The following PDE1A variants were observed in gnomAD, a reference collection of about 807,000 sequenced individuals.
PDE1A encodes the protein phosphodiesterase 1A.
PDE1A carries 35 observed loss-of-function variants against 61.7 expected under a neutral mutation model. The observed-to-expected ratio is 0.57, with a 90% CI of 0.43 to 0.75. PDE1A has a LOEUF of 0.75. PDE1A is among the 30% of genes least tolerant of loss of function. PDE1A has a pLI of 0.00. For missense variants in PDE1A, 597 were observed against 630.6 expected (o/e 0.95, Z 0.57); for synonymous variants, 232 against 213.2 (o/e 1.09, Z -0.77).
At chr2:182,653,834 G>A in the PDE1A span, among the ~76,000 whole-genome samples, 2 of 152,108 alleles carry the variant, frequency 1.3e-5, no homozygotes, top group South Asian at 2.1e-4. Flanking sequence ...CTGAAACTCT[G>A]AAACTTTATA....
chr2:182,254,023 A>G (rs1024622930), intron 2 of PDE1A, among the ~76,000 whole-genome samples: 3 of 152,182 alleles, frequency 2.0e-5, no homozygotes, highest in Admixed American at 2.0e-4. Flanking sequence ...AATAATATTT[A>G]AAACATCTTT....
At chr2:182,667,581 T>C in the PDE1A span, among the ~76,000 whole-genome samples, 2 of 152,208 alleles carry the variant, frequency 1.3e-5, no homozygotes, top group Non-Finnish European at 2.9e-5. Context: ...AGCACCCATA[T>C]AACAAATCAT....
chr2:182,270,063 T>A (rs755428315), intron 1 of PDE1A, among the ~76,000 whole-genome samples: 1 of 152,158 alleles, frequency 6.6e-6, no homozygotes, highest in Non-Finnish European at 1.5e-5. Context: ...TCTTTGATAA[T>A]TCCTAAGACT....
intron 13 of PDE1A, among the ~76,000 whole-genome samples, chr2:182,159,530 T>G (rs186354028): frequency 2.7e-3 from 408 of 152,368 alleles, no homozygotes; most frequent in African/African-American, 9.4e-3. Flanking sequence ...CGCCATTGCA[T>G]GTTTTGTCAT....
chr2:182,472,552 G>T (rs1177774542), intron 2 of PDE1A, among the ~76,000 whole-genome samples: 1 of 151,812 alleles, frequency 6.6e-6, no homozygotes, highest in Non-Finnish European at 1.5e-5. Flanking sequence ...ATGAAGACTT[G>T]AAAGGGTATG....
chr2:182,427,548 G>T (rs1482501236), upstream of PDE1A, among the ~76,000 whole-genome samples: 1 of 151,890 alleles, frequency 6.6e-6, no homozygotes, highest in Non-Finnish European at 1.5e-5. Context: ...CCCCTCCAAA[G>T]TGCCTGGGAG....
At chr2:182,564,040 T>A in the PDE1A span, among the ~76,000 whole-genome samples, 1 of 152,222 alleles carries the variant, frequency 6.6e-6, no homozygotes, top group African/African-American at 2.4e-5. Context: ...CATTGGAGCA[T>A]TTAGTCCATT....
chr2:182,405,563 C>A (rs1702252113), intron 1 of PDE1A, among the ~76,000 whole-genome samples: 1 of 152,110 alleles, frequency 6.6e-6, no homozygotes, highest in African/African-American at 2.4e-5. Context: ...TCACTTAATT[C>A]TGTCAAAAAC....
chr2:182,188,769 C>T (rs543427904), intron 11 of PDE1A, among the ~76,000 whole-genome samples: 8 of 152,294 alleles, frequency 5.3e-5, no homozygotes, highest in African/African-American at 1.9e-4. Flanking sequence ...ATAACAATTA[C>T]ATTTACTAAT....
At chr2:182,370,855 T>A (rs180987719) in intron 1 of PDE1A, among the ~76,000 whole-genome samples, 27 of 152,252 alleles carry the variant, frequency 1.8e-4, no homozygotes, top group South Asian at 8.3e-4. Context: ...TGCATTATCA[T>A]TGAACATGCT....
chr2:182,671,231 G>A, the PDE1A span, among the ~76,000 whole-genome samples: 4 of 151,886 alleles, frequency 2.6e-5, no homozygotes, highest in African/African-American at 7.2e-5. Context: ...GAGTGCAGTG[G>A]CGCGATCTCA....
chr2:182,691,405 AC>A, the PDE1A span, among the ~76,000 whole-genome samples: 1 of 152,208 alleles, frequency 6.6e-6, no homozygotes, highest in Non-Finnish European at 1.5e-5. Flanking sequence ...TCTTTGACAA[AC>A]CTGACAAAAA....
chr2:182,714,602 G>T, the PDE1A span, among the ~76,000 whole-genome samples: 2 of 151,130 alleles, frequency 1.3e-5, no homozygotes, highest in African/African-American at 2.4e-5. Flanking sequence ...GTCTTGCTCT[G>T]TACCCAGGCT....
chr2:182,657,982 T>G, the PDE1A span, among the ~76,000 whole-genome samples: 2 of 138,738 alleles, frequency 1.4e-5, no homozygotes, highest in Non-Finnish European at 3.0e-5. Flanking sequence ...AAGGCAGTTG[T>G]GAGAAGAACA....
At chr2:182,418,478 A>T (rs1703059877) in intron 1 of PDE1A, among the ~76,000 whole-genome samples, 1 of 152,160 alleles carries the variant, frequency 6.6e-6, no homozygotes, top group Admixed American at 6.5e-5. Context: ...ACACTGCTTC[A>T]TTCATATATA....
intron 10 of PDE1A, among the ~76,000 whole-genome samples, chr2:182,196,506 A>AT (rs1411389524): frequency 6.6e-6 from 1 of 151,864 alleles, no homozygotes; most frequent in Non-Finnish European, 1.5e-5. Context: ...TTTAAAAAAA[A>AT]TTAAAGGGAA....
the PDE1A span, among the ~76,000 whole-genome samples, chr2:182,716,794 A>G: frequency 2.0e-5 from 3 of 152,112 alleles, no homozygotes; most frequent in African/African-American, 7.2e-5. Context: ...CCCACTCTGC[A>G]GTGATGGCAA....
At chr2:182,521,272 A>G (rs900619767) in intron 2 of PDE1A, among the ~76,000 whole-genome samples, 2 of 152,070 alleles carry the variant, frequency 1.3e-5, no homozygotes, top group Non-Finnish European at 2.9e-5. Flanking sequence ...ATTTTTAAAA[A>G]TAGTGTGTAA....
At chr2:182,199,085 T>G (rs1389209145) in intron 10 of PDE1A, among the ~76,000 whole-genome samples, 1 of 151,982 alleles carries the variant, frequency 6.6e-6, no homozygotes, top group Non-Finnish European at 1.5e-5. Context: ...GTAATTTATA[T>G]CTGTCAAAAA....
Sources: allele counts gnomAD v4.1 joint callset (sites outside exome capture counted in the v4.1 genomes callset), GRCh38; gene constraint gnomAD v4.1.1; transcripts MANE v1.5; gene names NCBI Gene and HGNC (gene_info 2026-07-23, HGNC 2026-07-21).